The following SCN10A variants were observed in gnomAD, a reference collection of about 807,000 sequenced individuals.
The protein encoded by SCN10A is sodium voltage-gated channel alpha subunit 10.
SCN10A carries 162 observed loss-of-function variants against 170.7 expected under a neutral mutation model. The observed-to-expected ratio is 0.95, with a 90% CI of 0.84 to 1.08. SCN10A has a LOEUF of 1.08. SCN10A is among the 50% of genes least tolerant of loss of function. The pLI is 0.00. For synonymous variants in SCN10A, 985 were observed against 904.6 expected (o/e 1.09, Z -1.59); for missense variants, 2,527 against 2,436.9 (o/e 1.04, Z -0.78).
chr3:38,803,497 G>T (rs185604765), intron 1 of SCN10A, among the ~76,000 whole-genome samples: 1 of 152,242 alleles, frequency 6.6e-6, no homozygotes, highest in East Asian at 1.9e-4. Context: ...CATGTCCTTT[G>T]TAGGGACATG....
At chr3:38,797,699 A>G (rs1169923339) in intron 1 of SCN10A, among the ~76,000 whole-genome samples, 4 of 152,190 alleles carry the variant, frequency 2.6e-5, no homozygotes, top group East Asian at 3.9e-4. Flanking sequence ...TTTGGAACCA[A>G]ATTTGAATCC....
intron 15 of SCN10A, among the ~76,000 whole-genome samples, chr3:38,736,516 A>G (rs747770564): frequency 6.6e-6 from 1 of 152,142 alleles, no homozygotes; most frequent in Non-Finnish European, 1.5e-5. Context: ...GAAACTGACC[A>G]GCTGGCGGTG....
chr3:38,771,293 G>A lies in SCN10A; in HGVS notation c.585C>T (p.Ser195=), dbSNP rs368232949. ...LRDPWNWLDF[S]VITLAYVGTA... ...GATATACTCACGCCAGGGTAATGAC[G>A]CTAAAATCCAGCCAGTTCCAAGGAT... Residue 195 remains serine (S), a synonymous_variant, in exon 5 of 28, where the codon AGC becomes AGT. Transcript: ENST00000449082. 5.4e-5 allele frequency: 87 copies of A among 1,613,952 alleles called. No individual in the cohort carries two copies. Among genetic ancestry groups the A allele is most frequent in the African/African-American group, 4.9e-4 (37 of 75,012 alleles).
intron 12 of SCN10A, among the ~76,000 whole-genome samples, chr3:38,751,120 G>A (rs1370226186): frequency 6.6e-6 from 1 of 152,206 alleles, no homozygotes; most frequent in African/African-American, 2.4e-5. Context: ...GGAGAGACAA[G>A]TCAGGTATTT....
chr3:38,808,728 G>A (rs575247670), intron 1 of SCN10A, among the ~76,000 whole-genome samples: 1 of 152,272 alleles, frequency 6.6e-6, no homozygotes, highest in East Asian at 1.9e-4. Context: ...CCCCAAAGAC[G>A]CTGAGGATGA....
intron 1 of SCN10A, among the ~76,000 whole-genome samples, chr3:38,803,764 A>G (rs2064389020): frequency 2.0e-5 from 3 of 152,048 alleles, no homozygotes; most frequent in Admixed American, 2.0e-4. Flanking sequence ...AAACCTGCAC[A>G]TTGTGCGCAT....
intron 2 of SCN10A, among the ~76,000 whole-genome samples, chr3:38,793,531 G>T (rs1364327082): frequency 6.6e-6 from 1 of 151,968 alleles, no homozygotes; most frequent in Non-Finnish European, 1.5e-5. Flanking sequence ...TGAAGATGTG[G>T]GTTTAGTTAG....
At chr3:38,702,737 G>A (rs1009231796) in intron 26 of SCN10A, among the ~76,000 whole-genome samples, 1 of 152,226 alleles carries the variant, frequency 6.6e-6, no homozygotes, top group Non-Finnish European at 1.5e-5. Context: ...TCCTGGTGCT[G>A]TGCAAATGCC....
chr3:38,792,277 G>T, intron 2 of SCN10A, 109 bp from the exon 3 acceptor site: 1 of 1,404,192 alleles, frequency 7.1e-7, no homozygotes, highest in Non-Finnish European at 9.7e-7. Context: ...AGCAAGAAGG[G>T]CTCTGGGAAC....
At chr3:38,795,395 C>T (rs1250360606) in intron 1 of SCN10A, among the ~76,000 whole-genome samples, 1 of 141,046 alleles carries the variant, frequency 7.1e-6, no homozygotes, top group African/African-American at 2.7e-5. Context: ...GACTAGAGTG[C>T]AGTGGTGCAA....
intron 14 of SCN10A, among the ~76,000 whole-genome samples, chr3:38,741,600 T>A (rs2063633030): frequency 1.3e-5 from 2 of 152,184 alleles, no homozygotes; most frequent in South Asian, 4.1e-4. Flanking sequence ...GCAGTTGTTG[T>A]CCCTCTGAGT....
intron 15 of SCN10A, among the ~76,000 whole-genome samples, chr3:38,734,688 A>G (rs561222929): frequency 4.6e-5 from 7 of 152,356 alleles, no homozygotes; most frequent in African/African-American, 1.7e-4. Context: ...CTGAACTGAT[A>G]AAGATTTCTT....
chr3:38,711,595 A>G lies in SCN10A; in HGVS notation c.4089+566T>C, dbSNP rs376830369. On this transcript the variant is annotated intron_variant, in intron 23 of 27. Coordinates refer to ENST00000449082, the MANE Select transcript of SCN10A (RefSeq NM_006514.4). The stretch of plus-strand genomic sequence containing the variant: ...ATTTGTTGAATAAATGCAAGAACCA[A>G]TGGTGGAATGTAGACACTCAAGAGT... 1.9e-4 allele frequency among the ~76,000 whole-genome samples: 29 copies of G among 152,330 alleles called. 1 individual carries two copies. The East Asian group carries it at 3.9e-3, about 20-fold the overall frequency.
chr3:38,725,421 T>C (rs2126000167), intron 17 of SCN10A, 107 bp from the exon 18 acceptor site: 1 of 1,050,390 alleles, frequency 9.5e-7, no homozygotes, highest in Non-Finnish European at 1.3e-6. Flanking sequence ...AAGAGTTTCA[T>C]ATATGCAACT....
chr3:38,746,100 T>TATATATATG (rs71085336), intron 13 of SCN10A, among the ~76,000 whole-genome samples: 2 of 99,820 alleles, frequency 2.0e-5, no homozygotes, highest in Non-Finnish European at 4.1e-5. Flanking sequence ...TATATATATA[T>TATATATATG]GCCATCTTTG....
rs145106473 is a variant in SCN10A, at chr3:38,727,171, C to G, written c.2641-119G>C. 1.6e-5 allele frequency: 14 copies of G among 875,030 alleles called. No homozygotes were observed. In the East Asian group the frequency reaches 3.4e-4, roughly 21 times the overall value. The allele number at this position is 875,030 out of a possible 1,614,324, so 54.2% of individuals were successfully genotyped here. On this transcript the variant is annotated intron_variant, in intron 16 of 27. Coordinates refer to ENST00000449082, the MANE Select transcript of SCN10A (RefSeq NM_006514.4). ...CGGCCTGGGCCTCTTCCTGCCCACC[C>G]GGGATGCTGTCCCTTTTGGGGGAAT...
intron 8 of SCN10A, among the ~76,000 whole-genome samples, chr3:38,757,906 G>C (rs1016483131): frequency 6.6e-6 from 1 of 152,176 alleles, no homozygotes; most frequent in Admixed American, 6.5e-5. Flanking sequence ...AGGATGAGTC[G>C]ATGTCAAGAA....
At chr3:38,806,799 T>C (rs2064407719) in intron 1 of SCN10A, among the ~76,000 whole-genome samples, 1 of 138,858 alleles carries the variant, frequency 7.2e-6, no homozygotes, top group African/African-American at 3.0e-5. Context: ...AAAACAAACA[T>C]GTGAGATCAT....
chr3:38,797,349 T>C (rs1417688536), intron 1 of SCN10A, among the ~76,000 whole-genome samples: 1 of 152,180 alleles, frequency 6.6e-6, no homozygotes, highest in Non-Finnish European at 1.5e-5. Flanking sequence ...GGAGGAGCAC[T>C]CACTGCTCTG....
Sources: gnomAD v4.1 joint callset for allele counts (sites outside exome capture counted in the v4.1 genomes callset) on GRCh38, gnomAD v4.1.1 for gene constraint, MANE v1.5 for transcripts, NCBI Gene and HGNC (gene_info 2026-07-23, HGNC 2026-07-21) for gene names.